Variants in ME3 observed in about 807,000 individuals in gnomAD.
ME3 encodes malic enzyme 3, also known as NADP-dependent malic enzyme, mitochondrial.
Under a neutral mutation model 68.9 loss-of-function variants are expected in ME3, and 48 were observed. The ratio of observed to expected loss-of-function variants is 0.70; its 90% CI spans 0.55 to 0.89. The LOEUF is 0.89. Ranked by LOEUF, ME3 falls within the 40% of genes least tolerant of loss-of-function variation. The probability of loss-of-function intolerance (pLI) is 0.00; values close to 1 mark genes in which losing one functional copy is unlikely to be tolerated. For missense variants in ME3, 675 were observed against 797.4 expected, an observed-to-expected ratio of 0.85 and a Z score of 1.85; for synonymous variants, 320 against 318.8, an observed-to-expected ratio of 1.00 and a Z score of -0.04.
intron 2 of ME3, among the ~76,000 whole-genome samples, chr11:86,569,741 G>A (rs1355333547): frequency 6.6e-6 from 1 of 152,204 alleles, no homozygotes; most frequent in Non-Finnish European, 1.5e-5. Context: ...AGGAAGGTAT[G>A]ATGATTATTA....
At chr11:86,553,763 G>A (rs760652970) in intron 4 of ME3, among the ~76,000 whole-genome samples, 5 of 152,316 alleles carry the variant, frequency 3.3e-5, no homozygotes, top group African/African-American at 9.6e-5. Context: ...CCTCCCAGGA[G>A]AGCTCTAGAA....
intron 4 of ME3, among the ~76,000 whole-genome samples, chr11:86,512,513 A>G (rs1953610799): frequency 2.0e-5 from 3 of 152,230 alleles, no homozygotes; most frequent in Admixed American, 2.0e-4. Flanking sequence ...TACATTAAAG[A>G]TGATAATGAT....
At chr11:86,645,328 G>A (rs1252611497) in intron 2 of ME3, among the ~76,000 whole-genome samples, 1 of 152,198 alleles carries the variant, frequency 6.6e-6, no homozygotes, top group Non-Finnish European at 1.5e-5. Flanking sequence ...AATTCTCACT[G>A]CCAGCACAGC....
At chr11:86,482,894 T>A (rs1433714992) in intron 7 of ME3, among the ~76,000 whole-genome samples, 1 of 152,070 alleles carries the variant, frequency 6.6e-6, no homozygotes, top group African/African-American at 2.4e-5. Flanking sequence ...AGGAGAAGAA[T>A]CACTCCAGCT....
chr11:86,564,888 ATCAAGGATGT>A (rs1200859796), intron 2 of ME3, among the ~76,000 whole-genome samples: 4 of 152,234 alleles, frequency 2.6e-5, no homozygotes, highest in African/African-American at 9.6e-5. Flanking sequence ...AAAGGATACT[ATCAAGGATGT>A]GAAAAGACAA....
chr11:86,628,705 G>T (rs112200543), intron 2 of ME3, among the ~76,000 whole-genome samples: 3 of 152,222 alleles, frequency 2.0e-5, no homozygotes, highest in East Asian at 1.9e-4. Flanking sequence ...CTCCTTTCTA[G>T]GTAATGGGTT....
At chr11:86,597,345 A>G (rs1480217851) in intron 2 of ME3, among the ~76,000 whole-genome samples, 1 of 152,258 alleles carries the variant, frequency 6.6e-6, no homozygotes, top group African/African-American at 2.4e-5. Context: ...AGAGACAGTT[A>G]GCAGCTTAAC....
intron 2 of ME3, among the ~76,000 whole-genome samples, chr11:86,653,620 C>G (rs1945634957): frequency 6.6e-6 from 1 of 152,170 alleles, no homozygotes; most frequent in Non-Finnish European, 1.5e-5. Flanking sequence ...ATTTATAGCA[C>G]TAAATGCCCA....
At chr11:86,540,296 A>C (rs1362081643) in intron 4 of ME3, among the ~76,000 whole-genome samples, 1 of 152,146 alleles carries the variant, frequency 6.6e-6, no homozygotes, top group Non-Finnish European at 1.5e-5. Context: ...TTGCGGTTCT[A>C]CTGTCCAGCC....
intron 6 of ME3, 122 bp from the exon 7 acceptor site, chr11:86,487,562 G>C: frequency 1.4e-6 from 1 of 722,572 alleles, no homozygotes; most frequent in Admixed American, 2.4e-5. Flanking sequence ...GGAGTAAGAA[G>C]GTAACTGGAT....
intron 4 of ME3, among the ~76,000 whole-genome samples, chr11:86,538,889 G>C (rs986955172): frequency 6.6e-6 from 1 of 152,180 alleles, no homozygotes; most frequent in African/African-American, 2.4e-5. Flanking sequence ...GGGAAGAAGA[G>C]GGGCTTTCTT....
At chr11:86,571,209 G>A (rs1443731298) in intron 2 of ME3, among the ~76,000 whole-genome samples, 5 of 152,100 alleles carry the variant, frequency 3.3e-5, no homozygotes, top group African/African-American at 7.2e-5. Context: ...CTTCTGCCTC[G>A]CACAGTAATT....
intron 7 of ME3, among the ~76,000 whole-genome samples, chr11:86,465,813 G>A (rs188226093): frequency 1.3e-5 from 2 of 152,322 alleles, no homozygotes; most frequent in African/African-American, 4.8e-5. Context: ...CCAACTTGCA[G>A]GTGTAGAAGA....
intron 2 of ME3, among the ~76,000 whole-genome samples, chr11:86,614,812 C>T (rs868690065): frequency 6.6e-6 from 1 of 152,150 alleles, no homozygotes; most frequent in Admixed American, 6.5e-5. Context: ...ATAAAGAGGT[C>T]CAGCCACTTC....
intron 4 of ME3, among the ~76,000 whole-genome samples, chr11:86,554,441 G>A (rs1956834408): frequency 6.6e-6 from 1 of 152,150 alleles, no homozygotes; most frequent in Non-Finnish European, 1.5e-5. Context: ...GTGTTAGTTT[G>A]TTACATGTTC....
chr11:86,588,959 C>T (rs1450988212), intron 2 of ME3, among the ~76,000 whole-genome samples: 1 of 152,152 alleles, frequency 6.6e-6, no homozygotes, highest in Non-Finnish European at 1.5e-5. Flanking sequence ...CTCCCCCTGC[C>T]CTCCCTCACC....
At chr11:86,621,544 G>A (rs1943350465) in intron 2 of ME3, among the ~76,000 whole-genome samples, 2 of 152,034 alleles carry the variant, frequency 1.3e-5, no homozygotes, top group Non-Finnish European at 2.9e-5. Flanking sequence ...TAAATCAGGA[G>A]TCTTTCTTTT....
intron 6 of ME3, among the ~76,000 whole-genome samples, chr11:86,493,076 A>G (rs1314916360): frequency 6.6e-6 from 1 of 152,226 alleles, no homozygotes; most frequent in Non-Finnish European, 1.5e-5. Flanking sequence ...ACACGTGTGT[A>G]GAGAGTGAGC....
chr11:86,520,842 G>A (rs1284949112), intron 4 of ME3, among the ~76,000 whole-genome samples: 1 of 152,156 alleles, frequency 6.6e-6, no homozygotes, highest in Non-Finnish European at 1.5e-5. Context: ...GTTTTTCTAC[G>A]ACTATATCTA....
Sources: allele counts gnomAD v4.1 joint callset (sites outside exome capture counted in the v4.1 genomes callset), GRCh38; gene constraint gnomAD v4.1.1; transcripts MANE v1.5; gene names NCBI Gene and HGNC (gene_info 2026-07-23, HGNC 2026-07-21).